The following MRPL48 variants were observed in gnomAD, a reference collection of about 807,000 sequenced individuals.
The protein encoded by MRPL48 is large ribosomal subunit protein mL48.
A neutral mutation model predicts 32.9 loss-of-function variants in MRPL48; 16 were observed. The ratio of observed to expected loss-of-function variants is 0.49; its 90% confidence interval spans 0.33 to 0.74. The LOEUF (loss-of-function observed/expected upper bound fraction) is 0.74, where lower values mean the gene tolerates loss of function less well. MRPL48 is among the 30% of genes least tolerant of loss of function. The pLI is 0.02. For synonymous variants in MRPL48, 94 were observed against 89.2 expected (o/e 1.05, Z -0.31); for missense variants, 206 against 245.3 (o/e 0.84, Z 1.07).
At chr11:73,860,232 C>T (rs1162995648) in intron 6 of MRPL48, 1 of 437,378 alleles carries the variant, frequency 2.3e-6, no homozygotes, top group Non-Finnish European at 4.2e-6. Flanking sequence ...TGATAACCCC[C>T]AGATGTATAT....
chr11:73,809,779 G>C (rs1482519669), intron 3 of MRPL48, among the ~76,000 whole-genome samples: 9 of 152,150 alleles, frequency 5.9e-5, no homozygotes, highest in Admixed American at 5.9e-4. Flanking sequence ...TCATGTGTCT[G>C]ACAAGTATCA....
chr11:73,807,522 T>G (rs1218783205), intron 2 of MRPL48, among the ~76,000 whole-genome samples: 3 of 151,472 alleles, frequency 2.0e-5, no homozygotes, highest in African/African-American at 7.3e-5. Context: ...TTATCTCTAA[T>G]CTTCACAAAA....
chr11:73,840,906 A>G (rs938383756), intron 4 of MRPL48, among the ~76,000 whole-genome samples: 2 of 152,194 alleles, frequency 1.3e-5, no homozygotes, highest in Admixed American at 6.5e-5. Context: ...TGTTTAGAAT[A>G]TATAAAGAGC....
chr11:73,816,699 G>A (rs1421542705), intron 3 of MRPL48, among the ~76,000 whole-genome samples: 1 of 151,158 alleles, frequency 6.6e-6, no homozygotes, highest in Non-Finnish European at 1.5e-5. Flanking sequence ...CCCGACCTTA[G>A]GTGATCCGCC....
At chr11:73,825,537 G>A (rs991921345) in intron 3 of MRPL48, among the ~76,000 whole-genome samples, 171 bp from the exon 4 acceptor site, 1 of 151,816 alleles carries the variant, frequency 6.6e-6, no homozygotes, top group African/African-American at 2.4e-5. Context: ...GGCGGGGAGG[G>A]GGGTGTGGGC....
chr11:73,840,542 C>G (rs566573658), intron 4 of MRPL48, among the ~76,000 whole-genome samples: 1 of 152,274 alleles, frequency 6.6e-6, no homozygotes, highest in South Asian at 2.1e-4. Flanking sequence ...CTCTGTCACC[C>G]AGGCTAGAGT....
intron 3 of MRPL48, among the ~76,000 whole-genome samples, chr11:73,820,915 G>A (rs1248700123): frequency 6.6e-6 from 1 of 152,100 alleles, no homozygotes; most frequent in Admixed American, 6.5e-5. Flanking sequence ...CTTCCCTGAT[G>A]TTCTATTCCA....
At chr11:73,840,649 G>A (rs929929945) in intron 4 of MRPL48, among the ~76,000 whole-genome samples, 4 of 151,928 alleles carry the variant, frequency 2.6e-5, no homozygotes, top group Non-Finnish European at 2.9e-5. Context: ...ACAGGCACCC[G>A]CCACCACGCC....
chr11:73,844,723 T>C, intron 4 of MRPL48, 84 bp from the exon 5 acceptor site: 2 of 1,420,380 alleles, frequency 1.4e-6, no homozygotes, highest in Non-Finnish European at 1.9e-6. Context: ...ATTAGAAAGA[T>C]TGACTTTTTA....
chr11:73,819,867 C>T (rs1947741896), intron 3 of MRPL48, among the ~76,000 whole-genome samples: 1 of 152,198 alleles, frequency 6.6e-6, no homozygotes, highest in Admixed American at 6.5e-5. Context: ...CACTGCCCCC[C>T]AGCCTGGGCA....
At chr11:73,801,845 C>T (rs1056860734) in intron 1 of MRPL48, among the ~76,000 whole-genome samples, 11 of 152,138 alleles carry the variant, frequency 7.2e-5, no homozygotes, top group South Asian at 6.2e-4. Context: ...AAGTAGATGT[C>T]GGTGCTTAAT....
intron 7 of MRPL48, among the ~76,000 whole-genome samples, chr11:73,863,810 C>T (rs1948624520): frequency 6.6e-6 from 1 of 152,078 alleles, no homozygotes; most frequent in African/African-American, 2.4e-5. Context: ...TGTATGAGGT[C>T]ATCTTAGATT....
At position 73,813,454 on chromosome 11, in the gene MRPL48, G is replaced by A. The variant is rs768583310; in HGVS notation, c.112+5104G>A. On this transcript the variant is annotated intron_variant, in intron 3 of 7. Transcript: ENST00000310614. ...CTCCCAAAGTGCTGGGATTACAGGC[G>A]TGAGCCACTGTGCCTGGCCCATTTA... is the stretch of plus-strand genomic sequence containing the variant. Among the ~76,000 whole-genome samples, 14 of 152,102 alleles carry A rather than the reference G, an allele frequency of 9.2e-5. No homozygotes were observed. In the East Asian group the frequency reaches 9.6e-4, roughly 10 times the overall value.
chr11:73,821,581 T>C (rs1364218005), intron 3 of MRPL48, among the ~76,000 whole-genome samples: 1 of 152,194 alleles, frequency 6.6e-6, no homozygotes, highest in African/African-American at 2.4e-5. Context: ...CTTCAAGTTT[T>C]ACTTAAAAGC....
intron 1 of MRPL48, among the ~76,000 whole-genome samples, chr11:73,791,593 T>G (rs752418853): frequency 3.3e-5 from 5 of 151,874 alleles, no homozygotes; most frequent in Admixed American, 6.6e-5. Context: ...ATTTTTTGTA[T>G]TTTTTTGTAG....
intron 1 of MRPL48, among the ~76,000 whole-genome samples, chr11:73,792,684 T>C (rs983400996): frequency 6.6e-6 from 1 of 152,214 alleles, no homozygotes; most frequent in Non-Finnish European, 1.5e-5. Context: ...GGCTATTTCC[T>C]GGTCACCACT....
At chr11:73,838,102 T>G (rs1948134961) in intron 4 of MRPL48, among the ~76,000 whole-genome samples, 1 of 152,182 alleles carries the variant, frequency 6.6e-6, no homozygotes, top group African/African-American at 2.4e-5. Context: ...TCCGCCTGCC[T>G]CGGCCTCCCA....
At chr11:73,844,365 A>G (rs1948247852) in intron 4 of MRPL48, among the ~76,000 whole-genome samples, 1 of 151,984 alleles carries the variant, frequency 6.6e-6, no homozygotes, top group Admixed American at 6.6e-5. Flanking sequence ...GGGGAGGAAG[A>G]GGTTGCAGTG....
At chr11:73,822,418 C>G (rs1947799943) in intron 3 of MRPL48, among the ~76,000 whole-genome samples, 1 of 152,138 alleles carries the variant, frequency 6.6e-6, no homozygotes, top group Non-Finnish European at 1.5e-5. Context: ...TCATACTATA[C>G]CTCGAGTATC....
Sources: allele counts gnomAD v4.1 joint callset (sites outside exome capture counted in the v4.1 genomes callset), GRCh38; gene constraint gnomAD v4.1.1; transcripts MANE v1.5; gene names NCBI Gene and HGNC (gene_info 2026-07-23, HGNC 2026-07-21).